LIN9: variants seen among roughly 807,000 people sequenced by gnomAD.
The protein encoded by LIN9 is protein lin-9 homolog.
LIN9 carries 18 observed loss-of-function variants against 78.0 expected under a neutral mutation model. The ratio of observed to expected loss-of-function variants is 0.23; its 90% CI spans 0.16 to 0.34. LIN9 has a LOEUF of 0.34. Among genes scored for constraint, LIN9 ranks in the 10% least tolerant of loss-of-function variants. LIN9 has a pLI of 1.00. For synonymous variants in LIN9, 192 were observed against 215.2 expected, an observed-to-expected ratio of 0.89 and a Z score of 0.94; for missense variants, 451 against 644.1, an observed-to-expected ratio of 0.70 and a Z score of 3.25.
intron 1 of LIN9, among the ~76,000 whole-genome samples, chr1:226,303,504 A>G (rs1482395133): frequency 1.3e-5 from 2 of 152,252 alleles, no homozygotes; most frequent in African/African-American, 2.4e-5. Flanking sequence ...GAAGAGGTAT[A>G]TAGGCCATAA....
rs942180608 is a variant in LIN9 at position 226,265,159 on chromosome 1, T to C, written c.1038+374A>G. Among the ~76,000 whole-genome samples, 4 of 152,202 alleles carry C rather than the reference T, an allele frequency of 2.6e-5. No homozygotes were observed. The highest frequency in any genetic ancestry group is 7.2e-5 in the African/African-American group (3 of 41,464). ...TAAAATTTCTTCTAACCATATAAGC[T>C]AGCCAGGACATCATAACTGTTGAAC... On this transcript the variant is annotated intron_variant, in intron 10 of 14. Transcript: ENST00000681046. This position sits in a 1 kb window ranked among gnomAD's most constrained non-coding sequence, Gnocchi z 4.1.
Position 226,269,639 on chromosome 1 carries a change from G to A in LIN9, c.683-1549C>T, listed in dbSNP as rs1388238227. Among the ~76,000 whole-genome samples the A allele has an allele frequency of 2.0e-5, 3 of 152,204 alleles. No individual in the cohort carries two copies. In the South Asian group the frequency reaches 6.2e-4, roughly 32 times the overall value. On this transcript the variant is annotated intron_variant, in intron 7 of 14. Coordinates refer to ENST00000681046, the MANE Select transcript of LIN9 (RefSeq NM_001366245.2). ...GGTCACGAAAACCAGCCAGAATTTT[G>A]ACTGGTCATGAAAGACAGCCAGAAA...
At chr1:226,309,613 G>C, upstream of LIN9, 1 of 1,259,214 alleles carries the variant, frequency 7.9e-7, no homozygotes, top group Non-Finnish European at 1.0e-6. Flanking sequence ...TCTACGCAAA[G>C]TGAAATACTC....
intron 11 of LIN9, among the ~76,000 whole-genome samples, chr1:226,246,168 T>C (rs1576285519): frequency 6.6e-6 from 1 of 152,212 alleles, no homozygotes; most frequent in Non-Finnish European, 1.5e-5. Flanking sequence ...CTTCAAGTTT[T>C]TTCTTCTGCT....
rs192696109 is a variant in LIN9, at chr1:226,238,830, G to A, written c.1245+141C>T. 1.7e-5 allele frequency: 12 copies of A among 700,692 alleles called. No individual in the cohort carries two copies. The East Asian group carries it at 3.2e-4, about 19-fold the overall frequency. 43.4% of individuals were successfully genotyped at this position (700,692 alleles called of 1,614,324 possible). A position where few individuals can be genotyped will look rare whatever the true frequency, so the allele number is the denominator to read the frequency against. ...GCACTCTTCAACACTGATGCTGGGA[G>A]GAGTAAGAAACTTTATATAATACAG... On this transcript the variant is annotated intron_variant, in intron 12 of 14. Coordinates refer to ENST00000681046, the MANE Select transcript of LIN9 (RefSeq NM_001366245.2).
At chr1:226,278,978 AAAAC>A (rs1214347332) in intron 6 of LIN9, among the ~76,000 whole-genome samples, 30 of 151,406 alleles carry the variant, frequency 2.0e-4, no homozygotes, top group Admixed American at 5.2e-4. Flanking sequence ...AAAAAACCAA[AAAAC>A]AAACAAACAA....
chr1:226,235,300 G>A (rs1363849287), intron 12 of LIN9, among the ~76,000 whole-genome samples: 2 of 115,622 alleles, frequency 1.7e-5, no homozygotes, highest in Non-Finnish European at 3.3e-5. Context: ...CCAGCCTGGT[G>A]GACAAGAGCG....
chr1:226,286,536 A>C, intron 5 of LIN9, 78 bp from the exon 6 acceptor site: 1 of 1,092,460 alleles, frequency 9.2e-7, no homozygotes, highest in Non-Finnish European at 1.3e-6. Flanking sequence ...ACAAAATGCT[A>C]AACTTTCACT....
At chr1:226,266,451 T>A in intron 8 of LIN9, 119 bp from the exon 9 acceptor site, 1 of 653,266 alleles carries the variant, frequency 1.5e-6, no homozygotes, top group Non-Finnish European at 2.3e-6. Context: ...CATATAGAAT[T>A]TATTACTTAT....
chr1:226,280,881 C>T (rs191265293), intron 6 of LIN9, among the ~76,000 whole-genome samples: 104 of 152,040 alleles, frequency 6.8e-4, no homozygotes, highest in Non-Finnish European at 1.1e-3. Context: ...ATGGAGGTTC[C>T]TCAAAAAACT....
chr1:226,256,288 C>G (rs2102881892), intron 10 of LIN9, among the ~76,000 whole-genome samples: 1 of 152,066 alleles, frequency 6.6e-6, no homozygotes, highest in African/African-American at 2.4e-5. Context: ...AAGATAAGAA[C>G]TTCATCTGAC....
In LIN9 at chr1:226,309,112, C is replaced by T; in HGVS notation, c.28G>A (p.Glu10Lys). 7.5e-7 allele frequency: 1 copy of T among 1,331,802 alleles called. No homozygotes were observed. Among genetic ancestry groups the T allele is most frequent in the Non-Finnish European group, 9.7e-7 (1 of 1,029,430 alleles). The allele number at this position is 1,331,802 out of a possible 1,614,324, so 82.5% of individuals were successfully genotyped here. A position where few individuals can be genotyped will look rare whatever the true frequency, so the allele number is the denominator to read the frequency against. Residue 10 changes from glutamate to lysine, a missense_variant, in exon 1 of 15, where the codon GAG becomes AAG. Glu to Lys is a moderately conservative substitution (Grantham distance 56, BLOSUM62 1). Coordinates refer to ENST00000681046, the MANE Select transcript of LIN9 (RefSeq NM_001366245.2). The stretch of plus-strand genomic sequence containing the variant: ...GGTGCTTTGAGGTGCTACTCACTCT[C>T]GTCAGGCAACTGGTCGAGCTCCGCC... MAELDQLPDESSSAKALVSL... is the reference protein window; with the variant it reads MAELDQLPDKSSSAKALVSL...
chr1:226,276,758 T>TACATA (rs1416471342), intron 7 of LIN9, among the ~76,000 whole-genome samples: 1 of 152,206 alleles, frequency 6.6e-6, no homozygotes, highest in Non-Finnish European at 1.5e-5. Context: ...TTTCTTGTAT[T>TACATA]ACATATATTG....
chr1:226,294,277 C>CAA (rs35182254), intron 4 of LIN9, among the ~76,000 whole-genome samples: 6 of 114,190 alleles, frequency 5.3e-5, no homozygotes, highest in Non-Finnish European at 5.6e-5. Flanking sequence ...CAATGCAGTC[C>CAA]AAAAAAAAAA....
upstream of LIN9, chr1:226,309,714 G>C: frequency 3.9e-6 from 5 of 1,287,868 alleles, no homozygotes; most frequent in Non-Finnish European, 5.1e-6. Context: ...GCGTCGCGAC[G>C]TCCGGGACTC....
intron 4 of LIN9, among the ~76,000 whole-genome samples, chr1:226,290,123 C>G (rs1366292337): frequency 1.3e-5 from 2 of 151,826 alleles, no homozygotes; most frequent in Non-Finnish European, 2.9e-5. Flanking sequence ...AAAAAAATTA[C>G]AGCCATTATA....
intron 11 of LIN9, among the ~76,000 whole-genome samples, chr1:226,244,281 AATT>A (rs1282170359): frequency 1.3e-5 from 2 of 151,542 alleles, no homozygotes; most frequent in Non-Finnish European, 2.9e-5. Context: ...AAATATAAAA[AATT>A]AGCCGGGCGC....
Position 226,265,816 on chromosome 1 carries a change from T to C in LIN9, c.937-182A>G, listed in dbSNP as rs1321883253. 6.6e-6 allele frequency among the ~76,000 whole-genome samples: 1 copy of C among 152,008 alleles called. No homozygotes were observed. The highest frequency in any genetic ancestry group is 1.9e-4 in the East Asian group (1 of 5,186). Reference sequence around the variant, plus strand: ...GCCTCAGCCTCCCGAGCAGCTGGGATTACAGGCGCGCGCCACCACGCCCAG... The same window carrying C: ...GCCTCAGCCTCCCGAGCAGCTGGGACTACAGGCGCGCGCCACCACGCCCAG... On this transcript the variant is annotated intron_variant, in intron 9 of 14. Transcript: ENST00000681046. This position sits in a 1 kb window ranked among gnomAD's most constrained non-coding sequence, Gnocchi z 4.1.
intron 1 of LIN9, 111 bp downstream of exon 1, chr1:226,308,998 G>A: frequency 9.0e-7 from 1 of 1,112,274 alleles, no homozygotes; most frequent in Non-Finnish European, 1.2e-6. Flanking sequence ...CAGTGGGGCT[G>A]GCAGTCAGCC....
Sources: gnomAD v4.1 joint callset for allele counts (sites outside exome capture counted in the v4.1 genomes callset) on GRCh38, gnomAD v4.1.1 for gene constraint, Gnocchi (gnomAD v3.1) non-coding constraint, MANE v1.5 for transcripts, NCBI Gene and HGNC (gene_info 2026-07-23, HGNC 2026-07-21) for gene names.